Variants in SFXN2 observed in about 807,000 individuals in gnomAD.
The protein encoded by SFXN2 is sideroflexin 2, also known as sideroflexin-2.
A neutral mutation model predicts 41.9 loss-of-function variants in SFXN2; 37 were observed. That is an observed-to-expected ratio of 0.88 (90% CI 0.68 to 1.16). SFXN2 has a LOEUF of 1.16. Among genes scored for constraint, SFXN2 ranks in the 50% most tolerant of loss-of-function variants. SFXN2 has a pLI of 0.00. For synonymous variants in SFXN2, 150 were observed against 156.7 expected (o/e 0.96, Z 0.32); for missense variants, 386 against 425.2 (o/e 0.91, Z 0.81).
chr10:102,719,053 A>T, intron 1 of SFXN2, among the ~76,000 whole-genome samples: 1 of 147,738 alleles, frequency 6.8e-6, no homozygotes, highest in East Asian at 2.0e-4. Context: ...CCTCCCAAGT[A>T]GCTGGGATTA....
chr10:102,726,975 C>G lies in SFXN2; in HGVS notation c.162-12C>G. The stretch of plus-strand genomic sequence containing the variant: ...GGCAGGATGGTGACTGCCTGCTGTC[C>G]TTGGGTGGCAGGATGGGGGTTGTGC... On this transcript the variant is annotated splice_polypyrimidine_tract_variant and intron_variant, in intron 2 of 11. Coordinates refer to ENST00000369893, the MANE Select transcript of SFXN2 (RefSeq NM_178858.6). 1.3e-6 allele frequency: 2 copies of G among 1,592,224 alleles called. No homozygotes were observed. The highest frequency in any genetic ancestry group is 1.7e-6 in the Non-Finnish European group (2 of 1,163,220).
At chr10:102,720,290 T>G (rs2064488393) in intron 1 of SFXN2, among the ~76,000 whole-genome samples, 1 of 24,636 alleles carries the variant, frequency 4.1e-5, no homozygotes, top group African/African-American at 2.0e-4. Context: ...AGACTCCCTC[T>G]CAAAAAAAAA....
At chr10:102,732,944 G>A (rs900448808) in intron 9 of SFXN2, 36 bp downstream of exon 9, 2 of 1,612,238 alleles carry the variant, frequency 1.2e-6, no homozygotes, top group Non-Finnish European at 1.7e-6. Context: ...TCCCTGCCCA[G>A]AGTGCGTCCA....
At chr10:102,724,430 G>A (rs753119820) in intron 1 of SFXN2, among the ~76,000 whole-genome samples, 12 of 152,276 alleles carry the variant, frequency 7.9e-5, no homozygotes, top group East Asian at 3.9e-4. Context: ...CCGGCTGGAC[G>A]TGGTGGCTCA....
rs2064816104 is a variant in SFXN2, at chr10:102,738,845, T to C, written c.*1083T>C. On this transcript the variant is annotated 3_prime_UTR_variant, in exon 12 of 12. Transcript: ENST00000369893. ...ATATATAGGCATTAACCACACACTT[T>C]AATGGGTATAATTTCCTGGCTGCCT... is the stretch of plus-strand genomic sequence containing the variant. 6.5e-6 allele frequency: 1 copy of C among 152,672 alleles called. No individual in the cohort carries two copies. Among genetic ancestry groups the C allele is most frequent in the African/African-American group, 2.4e-5 (1 of 41,450 alleles). 9.5% of individuals were successfully genotyped at this position (152,672 alleles called of 1,614,324 possible).
chr10:102,718,913 G>T (rs574173253), intron 1 of SFXN2, among the ~76,000 whole-genome samples: 2 of 137,898 alleles, frequency 1.5e-5, no homozygotes, highest in African/African-American at 2.7e-5. Flanking sequence ...TCCTTTTCTC[G>T]GCTTCTTTTT....
At chr10:102,731,884 C>A in intron 7 of SFXN2, 101 bp downstream of exon 7, 2 of 1,067,658 alleles carry the variant, frequency 1.9e-6, no homozygotes, top group Admixed American at 2.2e-5. Context: ...GATTGAGAAG[C>A]CTTTTCTGGC....
In SFXN2 at chr10:102,729,345, C is replaced by CCT; in HGVS notation, c.459_460insTC (p.Thr154SerfsTer12). The CCT allele has an allele frequency of 6.2e-7, 1 of 1,614,202 alleles. No individual in the cohort carries two copies. The highest frequency in any genetic ancestry group is 8.5e-7 in the Non-Finnish European group (1 of 1,180,030). On this transcript the variant is annotated frameshift_variant, in exon 5 of 12. Coordinates refer to ENST00000369893, the MANE Select transcript of SFXN2 (RefSeq NM_178858.6). LOFTEE classifies it high-confidence loss of function. ...CAGATGGCCCTTTCCTACTTCACAG[C>CCT]CACAACCACTGCTGTGGCCACGGCT...
Position 102,727,149 on chromosome 10 carries a change from G to C in SFXN2, c.324G>C (p.Gln108His). The C allele has an allele frequency of 6.3e-7, 1 of 1,598,488 alleles. No homozygotes were observed. Among genetic ancestry groups the C allele is most frequent in the Non-Finnish European group, 8.6e-7 (1 of 1,166,824 alleles). ...TGATCATCACGGGCTTCATGCTCCA[G>C]TTCTACAGGTGGGACCTGGGGGCAG... ...GGMIITGFML[Q>H]FYRTMPAVIF... The change falls in exon 3 of 12, where the codon CAG becomes CAC. Residue 108 changes from glutamine (Q) to histidine (H), a missense_variant. Coordinates refer to ENST00000369893, the MANE Select transcript of SFXN2 (RefSeq NM_178858.6).
At chr10:102,730,689 G>T (rs966533287) in intron 6 of SFXN2, among the ~76,000 whole-genome samples, 1 of 152,236 alleles carries the variant, frequency 6.6e-6, no homozygotes, top group Non-Finnish European at 1.5e-5. Flanking sequence ...GGTGGCTCAC[G>T]CCTGTAATCC....
intron 1 of SFXN2, among the ~76,000 whole-genome samples, chr10:102,717,420 G>T (rs1307618879): frequency 6.6e-6 from 1 of 152,150 alleles, no homozygotes; most frequent in Non-Finnish European, 1.5e-5. Flanking sequence ...GAGCCACTGC[G>T]CCCGGCCTCA....
Position 102,743,440 on chromosome 10 carries a change from GTAAT to G in SFXN2, c.*5679_*5682del, listed in dbSNP as rs1842817671. On this transcript the variant is annotated 3_prime_UTR_variant, in exon 12 of 12. Transcript: ENST00000369893. Reference sequence around the variant, plus strand: ...AGTTGAGACCAAGAGAGGCATCCTGGTAATAGTGCTGTGCTTCAAGACAAAAGAC... The same window carrying G: ...AGTTGAGACCAAGAGAGGCATCCTGGAGTGCTGTGCTTCAAGACAAAAGAC... 1 of 152,420 alleles carries G rather than the reference GTAAT, an allele frequency of 6.6e-6. No homozygotes were observed. The highest frequency in any genetic ancestry group is 1.9e-4 in the East Asian group (1 of 5,182). 9.4% of individuals were successfully genotyped at this position (152,420 alleles called of 1,614,324 possible). A position where few individuals can be genotyped will look rare whatever the true frequency, so the allele number is the denominator to read the frequency against.
chr10:102,730,379 G>T (rs1417232635), intron 6 of SFXN2, among the ~76,000 whole-genome samples: 1 of 152,174 alleles, frequency 6.6e-6, no homozygotes, highest in Non-Finnish European at 1.5e-5. Flanking sequence ...ACTCAAAATA[G>T]CACCTGGAAC....
intron 11 of SFXN2, among the ~76,000 whole-genome samples, chr10:102,736,120 A>G (rs1452122070): frequency 3.3e-5 from 5 of 152,198 alleles, no homozygotes; most frequent in African/African-American, 1.2e-4. Flanking sequence ...GAAGCCAGGG[A>G]CAGGAATAAG....
At chr10:102,720,014 G>A (rs1406638423) in intron 1 of SFXN2, among the ~76,000 whole-genome samples, 1 of 152,182 alleles carries the variant, frequency 6.6e-6, no homozygotes, top group African/African-American at 2.4e-5. Context: ...TCCCGGCCGG[G>A]CTTGGTGGCT....
chr10:102,725,609 C>T (rs925288152), intron 1 of SFXN2, among the ~76,000 whole-genome samples: 1 of 152,010 alleles, frequency 6.6e-6, no homozygotes, highest in African/African-American at 2.4e-5. Context: ...AATAATAAAA[C>T]AGGCCAGATG....
chr10:102,729,731 G>A lies in SFXN2; in HGVS notation c.516G>A (p.Pro172=), dbSNP rs753144849. The A allele has an allele frequency of 4.8e-5, 78 of 1,613,794 alleles. No individual in the cohort carries two copies. Among genetic ancestry groups the A allele is most frequent in the Middle Eastern group, 1.6e-4 (1 of 6,084 alleles). ...VGMNMLTKKA[P]PLVGRWVPFA... The stretch of plus-strand genomic sequence containing the variant: ...TTCTCTTCCCCCAACAGAAAGCGCC[G>A]CCCTTGGTGGGCCGCTGGGTGCCCT... Residue 172 remains proline, a synonymous_variant, in exon 6 of 12, where the codon CCG becomes CCA. Coordinates refer to ENST00000369893, the MANE Select transcript of SFXN2 (RefSeq NM_178858.6).
At chr10:102,725,866 C>G (rs1341002678) in intron 1 of SFXN2, among the ~76,000 whole-genome samples, 2 of 151,702 alleles carry the variant, frequency 1.3e-5, no homozygotes, top group African/African-American at 4.8e-5. Flanking sequence ...AGAATGAGAC[C>G]CTGTCTCAAA....
At chr10:102,735,162 A>T in intron 10 of SFXN2, among the ~76,000 whole-genome samples, 1 of 111,400 alleles carries the variant, frequency 9.0e-6, no homozygotes, top group African/African-American at 3.5e-5. Context: ...CTCCCTCCTC[A>T]TCCCTCCTCC....
Sources: gnomAD v4.1 joint callset for allele counts (sites outside exome capture counted in the v4.1 genomes callset) on GRCh38, gnomAD v4.1.1 for gene constraint, MANE v1.5 for transcripts, NCBI Gene and HGNC (gene_info 2026-07-23, HGNC 2026-07-21) for gene names.